Variants in COL14A1 observed in about 807,000 individuals in gnomAD.
COL14A1 encodes collagen alpha-1(XIV) chain.
In COL14A1, 136 loss-of-function variants were observed where a neutral mutation model predicts 230.3. That is an observed-to-expected ratio of 0.59 (90% confidence interval 0.51 to 0.68). The LOEUF is 0.68. Ranked by LOEUF, COL14A1 falls within the 30% of genes least tolerant of loss-of-function variation. The pLI, the probability that COL14A1 is intolerant of heterozygous loss-of-function variation, is 0.00. For synonymous variants in COL14A1, 792 were observed against 784.1 expected (o/e 1.01, Z -0.17); for missense variants, 1,976 against 2,215.8 (o/e 0.89, Z 2.17).
intron 14 of COL14A1, among the ~76,000 whole-genome samples, chr8:120,222,031 C>A (rs1208575036): frequency 6.6e-6 from 1 of 152,272 alleles, no homozygotes; most frequent in Admixed American, 6.5e-5. Flanking sequence ...ATAATGAAGC[C>A]ATACTTTAAA....
chr8:120,170,336 T>G (rs948075741), intron 5 of COL14A1, among the ~76,000 whole-genome samples: 3 of 152,090 alleles, frequency 2.0e-5, no homozygotes, highest in African/African-American at 7.2e-5. Flanking sequence ...GATTTTGATA[T>G]GTAGTATTGT....
At chr8:120,195,409 G>GTT (rs1244746935) in intron 5 of COL14A1, among the ~76,000 whole-genome samples, 5 of 152,118 alleles carry the variant, frequency 3.3e-5, no homozygotes, top group African/African-American at 9.7e-5. Context: ...CACACTTAAT[G>GTT]ATCTCTAGTC....
intron 40 of COL14A1, among the ~76,000 whole-genome samples, chr8:120,331,733 T>A (rs1180753920): frequency 6.6e-6 from 1 of 152,234 alleles, no homozygotes; most frequent in East Asian, 1.9e-4. Context: ...GTAGTACTCC[T>A]AATGAAAGAC....
At chr8:120,148,259 A>G (rs1815163847) in intron 2 of COL14A1, among the ~76,000 whole-genome samples, 1 of 151,772 alleles carries the variant, frequency 6.6e-6, no homozygotes, top group Non-Finnish European at 1.5e-5. Context: ...CAGCCTCCCA[A>G]GTAGCTGGGA....
At chr8:120,248,195 G>A (rs578246261) in intron 21 of COL14A1, among the ~76,000 whole-genome samples, 1 of 152,050 alleles carries the variant, frequency 6.6e-6, no homozygotes, top group South Asian at 2.1e-4. Context: ...GTTTGGAAAT[G>A]GAATAGGGGG....
chr8:120,296,535 T>A (rs1172145297), intron 34 of COL14A1, among the ~76,000 whole-genome samples: 1 of 151,936 alleles, frequency 6.6e-6, no homozygotes, highest in Non-Finnish European at 1.5e-5. Flanking sequence ...GAGTTTCCAG[T>A]CTTTGCTGAA....
intron 22 of COL14A1, 114 bp from the exon 23 acceptor site, chr8:120,255,126 C>T: frequency 1.3e-6 from 1 of 768,958 alleles, no homozygotes; most frequent in South Asian, 1.5e-5. Flanking sequence ...GATGGATTTC[C>T]CAGCTCTGAC....
intron 5 of COL14A1, among the ~76,000 whole-genome samples, chr8:120,182,051 T>C (rs1816481357): frequency 6.6e-6 from 1 of 152,318 alleles, no homozygotes; most frequent in South Asian, 2.1e-4. Context: ...AGTTCCTCCC[T>C]TACTGCCCTT....
intron 45 of COL14A1, among the ~76,000 whole-genome samples, chr8:120,362,117 C>T (rs943825921): frequency 6.6e-5 from 10 of 152,192 alleles, no homozygotes; most frequent in African/African-American, 9.7e-5. Flanking sequence ...AAAGAGCCTT[C>T]GGGTCCAGCT....
At position 120,349,166 on chromosome 8, in the gene COL14A1, G is replaced by A. The variant is rs958126455; in HGVS notation, c.5077+3603G>A. ...GGCAGGGTATTCCAACAGACCTGCA[G>A]CTGAGGGTCCTGTCTGTTAGAAGGA... On this transcript the variant is annotated intron_variant, in intron 45 of 47. Coordinates refer to ENST00000297848, the MANE Select transcript of COL14A1 (RefSeq NM_021110.4). Among the ~76,000 whole-genome samples, 5 of 152,196 alleles carry A rather than the reference G, an allele frequency of 3.3e-5. No homozygotes were observed. The East Asian group carries it at 9.7e-4, about 29-fold the overall frequency.
rs551768032 is a variant in COL14A1, at chr8:120,306,278, T to G, written c.4402-3731T>G. On this transcript the variant is annotated intron_variant, in intron 36 of 47. Transcript: ENST00000297848. ...TTTACTGGAACAAGTGATAAAATAT[T>G]TATTTGTGACCTAAACAGCAAACTT... is the stretch of plus-strand genomic sequence containing the variant. Among the ~76,000 whole-genome samples the G allele has an allele frequency of 2.5e-4, 38 of 152,200 alleles. No individual in the cohort carries two copies. The South Asian group carries it at 7.3e-3, about 29-fold the overall frequency.
chr8:120,223,266 A>G (rs778852581), intron 14 of COL14A1, among the ~76,000 whole-genome samples: 6 of 152,204 alleles, frequency 3.9e-5, no homozygotes, highest in Non-Finnish European at 7.3e-5. Flanking sequence ...GTGACATTTT[A>G]TATTTTGCTA....
chr8:120,349,437 T>C (rs1319894150), intron 45 of COL14A1, among the ~76,000 whole-genome samples: 1 of 145,898 alleles, frequency 6.9e-6, no homozygotes, highest in Non-Finnish European at 1.5e-5. Context: ...CAAATTACTC[T>C]GAGCTACGGG....
At chr8:120,278,262 C>A in intron 27 of COL14A1, 28 bp downstream of exon 27, 1 of 1,578,298 alleles carries the variant, frequency 6.3e-7, no homozygotes, top group East Asian at 2.2e-5. Flanking sequence ...CCAGCTAAGG[C>A]TCAAAGTAAT....
intron 47 of COL14A1, 170 bp from the exon 48 acceptor site, chr8:120,370,982 T>G: frequency 3.7e-6 from 4 of 1,084,154 alleles, no homozygotes; most frequent in Non-Finnish European, 5.2e-6. Flanking sequence ...GTCTATTTAC[T>G]AACTGTCTGA....
At chr8:120,265,976 A>G (rs924881614) in intron 24 of COL14A1, among the ~76,000 whole-genome samples, 5 of 152,090 alleles carry the variant, frequency 3.3e-5, no homozygotes, top group African/African-American at 7.2e-5. Context: ...GCCTGAGGCT[A>G]GACATCCCCT....
At chr8:120,246,023 C>T (rs1586800217) in intron 20 of COL14A1, among the ~76,000 whole-genome samples, 1 of 152,174 alleles carries the variant, frequency 6.6e-6, no homozygotes, top group African/African-American at 2.4e-5. Context: ...CTTTATCCAT[C>T]ATAATTACCA....
chr8:120,358,172 A>G (rs1332951278), intron 45 of COL14A1, among the ~76,000 whole-genome samples: 2 of 152,194 alleles, frequency 1.3e-5, no homozygotes, highest in East Asian at 1.9e-4. Flanking sequence ...TGAAAAGTCT[A>G]TTAGTCAGTT....
intron 5 of COL14A1, among the ~76,000 whole-genome samples, chr8:120,180,701 C>CTTTTTTTTTTTT (rs34377563): frequency 1.2e-5 from 1 of 83,538 alleles, no homozygotes; most frequent in Non-Finnish European, 2.1e-5. Flanking sequence ...GGTAGGAAGC[C>CTTTTTTTTTTTT]TTTTTTTTTT....
Sources: allele counts gnomAD v4.1 joint callset (sites outside exome capture counted in the v4.1 genomes callset), GRCh38; gene constraint gnomAD v4.1.1; transcripts MANE v1.5; gene names NCBI Gene and HGNC (gene_info 2026-07-23, HGNC 2026-07-21).